The following MAPKAPK3 variants were observed in gnomAD, a reference collection of about 807,000 sequenced individuals.
The protein encoded by MAPKAPK3 is MAPK activated protein kinase 3.
Under a neutral mutation model 49.2 loss-of-function variants are expected in MAPKAPK3, and 35 were observed. The observed-to-expected ratio is 0.71, with a 90% confidence interval of 0.54 to 0.94. MAPKAPK3 has a LOEUF of 0.94. Ranked by LOEUF, MAPKAPK3 falls within the 40% of genes least tolerant of loss-of-function variation. The pLI is 0.00. For missense variants in MAPKAPK3, 398 were observed against 493.1 expected (o/e 0.81, Z 1.83); for synonymous variants, 178 against 188.7 (o/e 0.94, Z 0.46).
At chr3:50,625,026 G>T (rs1485520363) in intron 2 of MAPKAPK3, among the ~76,000 whole-genome samples, 2 of 152,198 alleles carry the variant, frequency 1.3e-5, no homozygotes, top group African/African-American at 4.8e-5. Context: ...GTTGAGAGAG[G>T]AACAGTGCTC....
At chr3:50,622,322 A>G (rs2032628748) in intron 2 of MAPKAPK3, among the ~76,000 whole-genome samples, 1 of 152,324 alleles carries the variant, frequency 6.6e-6, no homozygotes, top group African/African-American at 2.4e-5. Flanking sequence ...TCTGCAGTCC[A>G]GCCCACCTCC....
chr3:50,625,267 G>C (rs1162226670), intron 2 of MAPKAPK3, among the ~76,000 whole-genome samples: 1 of 152,112 alleles, frequency 6.6e-6, no homozygotes, highest in Non-Finnish European at 1.5e-5. Context: ...GGGGTGGCCT[G>C]GGTGCATTTG....
At chr3:50,643,341 G>A (rs2033218494) in intron 5 of MAPKAPK3, among the ~76,000 whole-genome samples, 1 of 152,202 alleles carries the variant, frequency 6.6e-6, no homozygotes, top group African/African-American at 2.4e-5. Context: ...TGGGAGGACT[G>A]GGTCTTAGAG....
chr3:50,625,596 C>A (rs992121742), intron 2 of MAPKAPK3, among the ~76,000 whole-genome samples: 14 of 152,054 alleles, frequency 9.2e-5, no homozygotes, highest in African/African-American at 3.4e-4. Flanking sequence ...GTTTTTGAGG[C>A]GGGTTTGGGA....
chr3:50,644,646 G>T, intron 6 of MAPKAPK3, 114 bp downstream of exon 6: 5 of 1,149,710 alleles, frequency 4.3e-6, no homozygotes, highest in East Asian at 2.5e-5. Context: ...GGAGGGAGGG[G>T]GAGAATTCTG....
intron 2 of MAPKAPK3, among the ~76,000 whole-genome samples, chr3:50,635,192 G>A (rs1183686925): frequency 6.6e-6 from 1 of 152,178 alleles, no homozygotes; most frequent in African/African-American, 2.4e-5. Context: ...GTGAAGAATA[G>A]TGTGGAGTCA....
chr3:50,642,101 G>A, intron 4 of MAPKAPK3, 152 bp from the exon 5 acceptor site: 2 of 650,030 alleles, frequency 3.1e-6, no homozygotes, highest in Admixed American at 4.9e-5. Context: ...GGGTGGCGTA[G>A]ACATCCCGGG....
At chr3:50,642,098 G>A (rs573113264) in intron 4 of MAPKAPK3, among the ~76,000 whole-genome samples, 155 bp from the exon 5 acceptor site, 5 of 152,246 alleles carry the variant, frequency 3.3e-5, no homozygotes, top group African/African-American at 4.8e-5. Flanking sequence ...CTGGGGTGGC[G>A]TAGACATCCC....
Position 50,641,775 on chromosome 3 carries a change from T to A in MAPKAPK3, c.424+4T>A, listed in dbSNP as rs749907893. 6.2e-7 allele frequency: 1 copy of A among 1,613,564 alleles called. No homozygotes were observed. The highest frequency in any genetic ancestry group is 2.2e-5 in the East Asian group (1 of 44,880). On this transcript the variant is annotated splice_donor_region_variant and intron_variant, in intron 4 of 10. Coordinates refer to ENST00000621469, the MANE Select transcript of MAPKAPK3 (RefSeq NM_001243925.2). The stretch of plus-strand genomic sequence containing the variant: ...GACCAGGCTTTCACTGAGAGAGGTA[T>A]GTGCATGTAGCTGGACCAGCAGGAG...
At chr3:50,643,099 G>A (rs184382364) in intron 5 of MAPKAPK3, among the ~76,000 whole-genome samples, 18 of 152,244 alleles carry the variant, frequency 1.2e-4, no homozygotes, top group Admixed American at 9.8e-4. Flanking sequence ...TAATCCGCCC[G>A]CCTCGGCCTC....
intron 2 of MAPKAPK3, among the ~76,000 whole-genome samples, chr3:50,621,892 C>A (rs950144569): frequency 2.0e-5 from 3 of 152,312 alleles, no homozygotes; most frequent in Middle Eastern, 3.4e-3. Flanking sequence ...ACCCCTAAAG[C>A]ATTTTGGAGG....
At position 50,620,358 on chromosome 3, in the gene MAPKAPK3, AGTC is replaced by A. The variant is rs143516024; in HGVS notation, c.219+2577_219+2579del. 5.9e-5 allele frequency among the ~76,000 whole-genome samples: 9 copies of A among 152,270 alleles called. No homozygotes were observed. The East Asian group carries it at 1.7e-3, about 29-fold the overall frequency. On this transcript the variant is annotated intron_variant, in intron 2 of 10. Transcript: ENST00000621469. The stretch of plus-strand genomic sequence containing the variant: ...GTTGCCCCAGCTCAGCCTAGGCAAC[AGTC>A]GTGGGCTCTGTGTCTTTCTGCCTCC...
At chr3:50,622,418 T>C (rs2032630665) in intron 2 of MAPKAPK3, among the ~76,000 whole-genome samples, 1 of 152,222 alleles carries the variant, frequency 6.6e-6, no homozygotes, top group African/African-American at 2.4e-5. Flanking sequence ...GTGCCACCTC[T>C]TCCAGGAAGC....
chr3:50,621,406 A>G (rs2032605318), intron 2 of MAPKAPK3, among the ~76,000 whole-genome samples: 1 of 152,100 alleles, frequency 6.6e-6, no homozygotes, highest in Admixed American at 6.5e-5. Context: ...AACCTGGCCA[A>G]CCTGGCAAAA....
At chr3:50,630,875 G>A (rs1170256483) in intron 2 of MAPKAPK3, among the ~76,000 whole-genome samples, 2 of 152,234 alleles carry the variant, frequency 1.3e-5, no homozygotes, top group Non-Finnish European at 2.9e-5. Flanking sequence ...GTTGGGTTAT[G>A]GTGACCACTG....
chr3:50,619,017 G>A (rs369143707), intron 2 of MAPKAPK3, among the ~76,000 whole-genome samples: 10 of 152,206 alleles, frequency 6.6e-5, no homozygotes, highest in Admixed American at 5.2e-4. Context: ...ATGAGTCCAA[G>A]TGCAGAGTCC....
intron 2 of MAPKAPK3, among the ~76,000 whole-genome samples, chr3:50,625,698 C>T (rs1327158264): frequency 1.3e-5 from 2 of 152,198 alleles, no homozygotes; most frequent in African/African-American, 4.8e-5. Context: ...CCTCCTCGTC[C>T]CTCTCATTTC....
chr3:50,644,324 C>A, intron 5 of MAPKAPK3, 85 bp from the exon 6 acceptor site: 1 of 1,517,696 alleles, frequency 6.6e-7, no homozygotes, highest in South Asian at 1.2e-5. Context: ...GGGATGGAGT[C>A]GGGGAGTCTG....
rs1328414325 is a variant in MAPKAPK3, at chr3:50,649,147, G to A, written c.*1101G>A. On this transcript the variant is annotated 3_prime_UTR_variant, in exon 11 of 11. Coordinates refer to ENST00000621469, the MANE Select transcript of MAPKAPK3 (RefSeq NM_001243925.2). ...GGTAGCCTTAGGGTGCTGAGTGCCT[G>A]ATACTGCCTGACAAGTGCCTGACAC... is the stretch of plus-strand genomic sequence containing the variant. 6.6e-6 allele frequency: 1 copy of A among 152,358 alleles called. No individual in the cohort carries two copies. Among genetic ancestry groups the A allele is most frequent in the Non-Finnish European group, 1.5e-5 (1 of 68,138 alleles). The allele number at this position is 152,358 out of a possible 1,614,324, so 9.4% of individuals were successfully genotyped here.
Sources: allele counts gnomAD v4.1 joint callset (sites outside exome capture counted in the v4.1 genomes callset), GRCh38; gene constraint gnomAD v4.1.1; transcripts MANE v1.5; gene names NCBI Gene and HGNC (gene_info 2026-07-23, HGNC 2026-07-21).